Variants in MAP3K2 observed in about 807,000 individuals in gnomAD.
MAP3K2 encodes the protein mitogen-activated protein kinase kinase kinase 2, also known as MAP/ERK kinase kinase 2.
In MAP3K2, 24 loss-of-function variants were observed where a neutral mutation model predicts 80.3. That is an observed-to-expected ratio of 0.30 (90% CI 0.22 to 0.42). The LOEUF is 0.42. Among genes scored for constraint, MAP3K2 ranks in the 10% least tolerant of loss-of-function variants. MAP3K2 has a pLI of 1.00. For synonymous variants in MAP3K2, 244 were observed against 253.7 expected, an observed-to-expected ratio of 0.96 and a Z score of 0.36; for missense variants, 608 against 750.1, an observed-to-expected ratio of 0.81 and a Z score of 2.21.
intron 1 of MAP3K2, among the ~76,000 whole-genome samples, chr2:127,357,219 C>A (rs956051368): frequency 1.1e-4 from 16 of 152,282 alleles, no homozygotes; most frequent in Admixed American, 8.5e-4. Flanking sequence ...TTACAAAATT[C>A]AATGAAATCT....
At chr2:127,349,394 G>T (rs1202246628) in intron 1 of MAP3K2, among the ~76,000 whole-genome samples, 1 of 151,900 alleles carries the variant, frequency 6.6e-6, no homozygotes, top group East Asian at 1.9e-4. Context: ...TCAAACTCCT[G>T]GGCTCAAGCA....
At chr2:127,360,058 T>C (rs1046853154) in intron 1 of MAP3K2, among the ~76,000 whole-genome samples, 14 of 152,200 alleles carry the variant, frequency 9.2e-5, no homozygotes, top group Non-Finnish European at 1.9e-4. Context: ...ATGAATATAC[T>C]TGTACACAAA....
intron 12 of MAP3K2, among the ~76,000 whole-genome samples, chr2:127,319,673 A>AAAAAAAAAG (rs1558975361): frequency 2.8e-5 from 4 of 142,496 alleles, no homozygotes; most frequent in African/African-American, 1.1e-4. Flanking sequence ...AAAAAAAAAA[A>AAAAAAAAAG]AAAAAGAAAA....
chr2:127,337,889 T>C (rs1483794895), intron 3 of MAP3K2, 111 bp from the exon 4 acceptor site: 1 of 615,198 alleles, frequency 1.6e-6, no homozygotes, highest in Non-Finnish European at 2.7e-6. Flanking sequence ...TCATTTAAAA[T>C]AGACCAGACG....
At chr2:127,328,873 T>G (rs1460928852) in intron 7 of MAP3K2, among the ~76,000 whole-genome samples, 1 of 152,224 alleles carries the variant, frequency 6.6e-6, no homozygotes, top group Non-Finnish European at 1.5e-5. Context: ...TTCCTCCTCT[T>G]TAACTTTTCT....
intron 1 of MAP3K2, among the ~76,000 whole-genome samples, chr2:127,365,954 C>T (rs1335460015): frequency 6.6e-6 from 1 of 152,174 alleles, no homozygotes; most frequent in East Asian, 1.9e-4. Context: ...AGCTTCCTCC[C>T]AATCTACTGA....
chr2:127,330,277 AT>A, intron 6 of MAP3K2, 114 bp downstream of exon 6: 2 of 609,678 alleles, frequency 3.3e-6, no homozygotes, highest in Non-Finnish European at 5.7e-6. Flanking sequence ...GTAAGTTTAC[AT>A]TTAATCATAA....
intron 16 of MAP3K2, 120 bp downstream of exon 16, chr2:127,308,465 A>G (rs1685750740): frequency 2.3e-6 from 2 of 873,080 alleles, no homozygotes; most frequent in Admixed American, 2.5e-5. Context: ...AATCTTCGCA[A>G]TTCTTACGTC....
At position 127,330,377 on chromosome 2, in the gene MAP3K2, T is replaced by A; in HGVS notation, c.378+15A>T. 7 of 1,341,440 alleles carry A rather than the reference T, an allele frequency of 5.2e-6. No individual in the cohort carries two copies. The highest frequency in any genetic ancestry group is 3.9e-5 in the South Asian group (3 of 77,468). The allele number at this position is 1,341,440 out of a possible 1,614,324, so 83.1% of individuals were successfully genotyped here. A position where few individuals can be genotyped will look rare whatever the true frequency, so the allele number is the denominator to read the frequency against. ...GTCCTATAATTCTTACTGAAAAAAA[T>A]ATCCCAAATCATACCTGTGTACTTC... On this transcript the variant is annotated intron_variant, in intron 6 of 16. Coordinates refer to ENST00000682094, the MANE Select transcript of MAP3K2 (RefSeq NM_001371910.2).
At position 127,324,289 on chromosome 2, in the gene MAP3K2, A is replaced by G. The variant is rs953365429; in HGVS notation, c.678-48T>C. 4.4e-6 allele frequency: 5 copies of G among 1,129,712 alleles called. No homozygotes were observed. The Admixed American group carries it at 8.2e-5, about 19-fold the overall frequency. The allele number at this position is 1,129,712 out of a possible 1,614,324, so 70.0% of individuals were successfully genotyped here. A position where few individuals can be genotyped will look rare whatever the true frequency, so the allele number is the denominator to read the frequency against. On this transcript the variant is annotated intron_variant, in intron 9 of 16. Transcript: ENST00000682094. ...TAAGTTTACAGAAAGAACGTAAGAC[A>G]TTAAAAAGAAAATCTTTGAGCAATA... is the stretch of plus-strand genomic sequence containing the variant.
intron 7 of MAP3K2, among the ~76,000 whole-genome samples, chr2:127,329,501 C>G (rs917254738): frequency 6.6e-6 from 1 of 152,070 alleles, no homozygotes; most frequent in Non-Finnish European, 1.5e-5. Context: ...GGACTACAGG[C>G]ATGCACCACC....
chr2:127,380,368 TTAAAC>T (rs1380178314), intron 1 of MAP3K2, among the ~76,000 whole-genome samples: 3 of 152,294 alleles, frequency 2.0e-5, no homozygotes, highest in South Asian at 4.1e-4. Context: ...ATAAAATATA[TTAAAC>T]TATTCTTTTG....
chr2:127,375,281 C>T (rs1238560954), intron 1 of MAP3K2, among the ~76,000 whole-genome samples: 1 of 152,136 alleles, frequency 6.6e-6, no homozygotes, highest in African/African-American at 2.4e-5. Context: ...GTGGCTTCAT[C>T]AGACAACACA....
At position 127,387,392 on chromosome 2, in the gene MAP3K2, A is replaced by ACGCGCGCGCG. The variant is rs147068060; in HGVS notation, c.-66+59_-66+60insCGCGCGCGCG. On this transcript the variant is annotated intron_variant, in intron 1 of 16. Coordinates refer to ENST00000682094, the MANE Select transcript of MAP3K2 (RefSeq NM_001371910.2). ...GCCCAGCCCGCGGCCCCCGACACAC[A>ACGCGCGCGCG]CGCGCGCACACACACACACACACAC... The ACGCGCGCGCG allele has an allele frequency of 1.8e-3, 598 of 333,590 alleles. 35 individuals carry two copies. Among genetic ancestry groups the ACGCGCGCGCG allele is most frequent in the Middle Eastern group, 2.9e-3 (2 of 684 alleles). The allele number at this position is 333,590 out of a possible 1,614,324, so 20.7% of individuals were successfully genotyped here.
chr2:127,387,707 GCTCCTCGGCA>G lies in MAP3K2; in HGVS notation c.-331_-322del. 1 of 985,226 alleles carries G rather than the reference GCTCCTCGGCA, an allele frequency of 1.0e-6. No homozygotes were observed. The highest frequency in any genetic ancestry group is 1.2e-6 in the Non-Finnish European group (1 of 829,890). The allele number at this position is 985,226 out of a possible 1,614,324, so 61.0% of individuals were successfully genotyped here. ...TCGCAGCCGGCCGGGTCCTCCTGGCGCTCCTCGGCACTTCTAGCCGCTGCAACCCCGAGGC... is the reference window on the plus strand; with the variant it reads ...TCGCAGCCGGCCGGGTCCTCCTGGCGCTTCTAGCCGCTGCAACCCCGAGGC... On this transcript the variant is annotated 5_prime_UTR_variant, in exon 1 of 17. Transcript: ENST00000682094.
At chr2:127,330,036 T>C in intron 6 of MAP3K2, 28 bp from the exon 7 acceptor site, 1 of 1,305,668 alleles carries the variant, frequency 7.7e-7, no homozygotes, top group Non-Finnish European at 1.1e-6. Flanking sequence ...CAGTTAATGC[T>C]ATTCTTCCTC....
At chr2:127,354,307 A>C (rs1318569946) in intron 1 of MAP3K2, among the ~76,000 whole-genome samples, 1 of 150,166 alleles carries the variant, frequency 6.7e-6, no homozygotes, top group Non-Finnish European at 1.5e-5. Flanking sequence ...GACTACTTTG[A>C]GTCTTCAGAA....
At chr2:127,327,565 C>CA (rs35285745) in intron 7 of MAP3K2, among the ~76,000 whole-genome samples, 26,075 of 130,116 alleles carry the variant, frequency 0.2, 2,732 homozygotes, top group South Asian at 0.36. Flanking sequence ...GAGATAGGAC[C>CA]AAAAAAAAAA....
rs1232624762 is a variant in MAP3K2, at chr2:127,310,133, CCTG to C, written c.1457-1374_1457-1372del. Among the ~76,000 whole-genome samples the C allele has an allele frequency of 2.6e-5, 4 of 152,160 alleles. No homozygotes were observed. The highest frequency in any genetic ancestry group is 4.8e-5 in the African/African-American group (2 of 41,428). On this transcript the variant is annotated intron_variant, in intron 15 of 16. Coordinates refer to ENST00000682094, the MANE Select transcript of MAP3K2 (RefSeq NM_001371910.2). The surrounding 1 kb of genome is among the most constrained non-coding windows in gnomAD (Gnocchi z 4.8). ...TTATAATCCAGTACTACTTTATTTG[CCTG>C]CTATTTATCAGTTTCAGCCACTGGA...
Sources: allele counts gnomAD v4.1 joint callset (sites outside exome capture counted in the v4.1 genomes callset), GRCh38; gene constraint gnomAD v4.1.1; non-coding constraint Gnocchi (gnomAD v3.1); transcripts MANE v1.5; gene names NCBI Gene and HGNC (gene_info 2026-07-23, HGNC 2026-07-21).